Variants in PREX1 observed in about 807,000 individuals in gnomAD.
PREX1 encodes the protein phosphatidylinositol 3,4,5-trisphosphate-dependent Rac exchanger 1 protein.
In PREX1, 41 loss-of-function variants were observed where a neutral mutation model predicts 198.3. The observed-to-expected ratio is 0.21, with a 90% CI of 0.16 to 0.27. The LOEUF is 0.27. Among genes scored for constraint, PREX1 ranks in the 10% least tolerant of loss-of-function variants. The pLI is 1.00. For missense variants in PREX1, 1,620 were observed against 2,200.7 expected, an observed-to-expected ratio of 0.74 and a Z score of 5.28; for synonymous variants, 843 against 887.2, an observed-to-expected ratio of 0.95 and a Z score of 0.89.
At chr20:48,795,966 A>G (rs750656122) in intron 1 of PREX1, among the ~76,000 whole-genome samples, 5 of 152,222 alleles carry the variant, frequency 3.3e-5, no homozygotes, top group Non-Finnish European at 7.3e-5. Flanking sequence ...ATGTGTGGCA[A>G]TGACATGAAC....
intron 19 of PREX1, 85 bp from the exon 20 acceptor site, chr20:48,653,582 C>T: frequency 6.6e-7 from 1 of 1,517,418 alleles, no homozygotes; most frequent in Non-Finnish European, 8.9e-7. Context: ...CCCACCACTG[C>T]AACCCCAGAC....
intron 37 of PREX1, 50 bp from the exon 38 acceptor site, chr20:48,628,013 C>T (rs1426102201): frequency 4.6e-6 from 3 of 652,856 alleles, no homozygotes; most frequent in Non-Finnish European, 8.0e-6. Flanking sequence ...GGACAGGGGT[C>T]GGGGGAGGAC....
intron 37 of PREX1, 138 bp downstream of exon 37, chr20:48,629,311 A>T (rs2089295749): frequency 8.4e-7 from 1 of 1,195,214 alleles, no homozygotes; most frequent in African/African-American, 1.5e-5. Flanking sequence ...TGAGGTGCAG[A>T]CAGAGCCAAG....
At chr20:48,800,391 A>G (rs2090381167) in intron 1 of PREX1, among the ~76,000 whole-genome samples, 1 of 152,198 alleles carries the variant, frequency 6.6e-6, no homozygotes, top group African/African-American at 2.4e-5. Context: ...AGTCCTAAGC[A>G]AACTGGGGCA....
the PREX1 span, among the ~76,000 whole-genome samples, chr20:48,882,317 A>C: frequency 1.5e-3 from 231 of 151,906 alleles, 1 homozygote; most frequent in African/African-American, 5.1e-3. Flanking sequence ...CCTGGCTAAC[A>C]CGGTGAAACC....
At chr20:48,770,513 C>G (rs1486015631) in intron 1 of PREX1, among the ~76,000 whole-genome samples, 1 of 152,104 alleles carries the variant, frequency 6.6e-6, no homozygotes, top group Non-Finnish European at 1.5e-5. Context: ...GAGTTCGAGA[C>G]CAGCCTGGCC....
At chr20:48,771,432 T>C (rs923235549) in intron 1 of PREX1, among the ~76,000 whole-genome samples, 15 of 152,106 alleles carry the variant, frequency 9.9e-5, no homozygotes, top group Admixed American at 2.6e-4. Context: ...CTAAGTGTTT[T>C]GCCAAAGGGT....
intron 23 of PREX1, 48 bp downstream of exon 23, chr20:48,650,846 C>T: frequency 6.3e-7 from 1 of 1,596,578 alleles, no homozygotes; most frequent in Non-Finnish European, 8.5e-7. Flanking sequence ...GGCTGAGATG[C>T]TATGTCTGGG....
intron 1 of PREX1, among the ~76,000 whole-genome samples, chr20:48,796,791 CAT>C (rs1437312919): frequency 6.7e-6 from 1 of 150,294 alleles, no homozygotes; most frequent in Non-Finnish European, 1.5e-5. Context: ...GTTATATACA[CAT>C]ATAATTATAT....
chr20:48,778,568 T>G (rs1189948317), intron 1 of PREX1, among the ~76,000 whole-genome samples: 1 of 151,744 alleles, frequency 6.6e-6, no homozygotes, highest in Non-Finnish European at 1.5e-5. Context: ...CCAGCCTGGG[T>G]GACAGAGTGA....
chr20:48,677,363 A>G (rs546176233), intron 13 of PREX1, among the ~76,000 whole-genome samples: 1 of 141,856 alleles, frequency 7.0e-6, no homozygotes, highest in Non-Finnish European at 1.5e-5. Flanking sequence ...CCGAGAGGTG[A>G]TAAGAGCTAT....
At chr20:48,754,373 C>T (rs535526575) in intron 1 of PREX1, among the ~76,000 whole-genome samples, 42 of 151,956 alleles carry the variant, frequency 2.8e-4, no homozygotes, top group Non-Finnish European at 5.3e-4. Context: ...CTCCATCACG[C>T]GCCATCAGTG....
intron 31 of PREX1, among the ~76,000 whole-genome samples, chr20:48,637,473 G>A (rs2122843701): frequency 6.6e-6 from 1 of 152,356 alleles, no homozygotes; most frequent in East Asian, 1.9e-4. Flanking sequence ...CTCTATCCCG[G>A]GGCCCCGTCA....
chr20:48,718,775 T>A (rs964751782), intron 5 of PREX1, among the ~76,000 whole-genome samples: 12 of 152,178 alleles, frequency 7.9e-5, no homozygotes, highest in African/African-American at 2.7e-4. Flanking sequence ...ACAATAAAAA[T>A]AACTAATATT....
At chr20:48,766,008 G>A (rs2090206281) in intron 1 of PREX1, among the ~76,000 whole-genome samples, 1 of 152,136 alleles carries the variant, frequency 6.6e-6, no homozygotes. Context: ...GATCTAGGTT[G>A]CACCCTCCTT....
intron 6 of PREX1, 150 bp from the exon 7 acceptor site, chr20:48,701,036 AG>A: frequency 9.3e-7 from 1 of 1,079,994 alleles, no homozygotes. Context: ...CAACGTGATT[AG>A]TGGCTTCTAT....
chr20:48,750,760 A>G (rs2090130651), intron 1 of PREX1, among the ~76,000 whole-genome samples: 2 of 152,194 alleles, frequency 1.3e-5, no homozygotes, highest in African/African-American at 4.8e-5. Context: ...AGGTTAAGCA[A>G]TCTATACAAG....
At chr20:48,849,402 A>C in the PREX1 span, 1 of 152,176 alleles carries the variant, frequency 6.6e-6, no homozygotes, top group Non-Finnish European at 1.5e-5. Flanking sequence ...TTTTACAAAA[A>C]TCTTGCATTA....
At chr20:48,853,760 T>C in the PREX1 span, among the ~76,000 whole-genome samples, 15,335 of 152,242 alleles carry the variant, frequency 0.1, 880 homozygotes, top group Middle Eastern at 0.16. Context: ...GCTTAAACTC[T>C]GCAAACCTCA....
Sources: gnomAD v4.1 joint callset for allele counts (sites outside exome capture counted in the v4.1 genomes callset) on GRCh38, gnomAD v4.1.1 for gene constraint, MANE v1.5 for transcripts, NCBI Gene and HGNC (gene_info 2026-07-23, HGNC 2026-07-21) for gene names.